SNX27: variants seen among roughly 807,000 people sequenced by gnomAD.
The protein encoded by SNX27 is sorting nexin 27, also known as sorting nexin-27.
A neutral mutation model predicts 71.6 loss-of-function variants in SNX27; 22 were observed. The observed-to-expected ratio is 0.31, with a 90% CI of 0.22 to 0.44. SNX27 has a LOEUF of 0.44. Ranked by LOEUF, SNX27 falls within the 20% of genes least tolerant of loss-of-function variation. SNX27 has a pLI of 1.00. For synonymous variants in SNX27, 269 were observed against 277.2 expected, an observed-to-expected ratio of 0.97 and a Z score of 0.29; for missense variants, 531 against 698.6, an observed-to-expected ratio of 0.76 and a Z score of 2.70.
chr1:151,675,571 GA>G (rs1419946597), intron 7 of SNX27, among the ~76,000 whole-genome samples: 1 of 150,466 alleles, frequency 6.6e-6, no homozygotes, highest in African/African-American at 2.4e-5. Context: ...GTTTTGTTTT[GA>G]GATGGGTTTT....
chr1:151,652,061 C>T (rs988777260), intron 2 of SNX27, among the ~76,000 whole-genome samples: 8 of 152,042 alleles, frequency 5.3e-5, no homozygotes, highest in Admixed American at 4.6e-4. Flanking sequence ...TGTGGCGGCG[C>T]GAGCCTGCAA....
At chr1:151,620,241 A>AT (rs1439336611) in intron 1 of SNX27, among the ~76,000 whole-genome samples, 1 of 152,134 alleles carries the variant, frequency 6.6e-6, no homozygotes, top group Non-Finnish European at 1.5e-5. Context: ...AGAAGTTTGG[A>AT]TTTTTTTCTC....
In SNX27 at chr1:151,668,491, T is replaced by C. The variant is rs1670312853; in HGVS notation, c.1005T>C (p.Asn335=). ...SHSFVRKLAP[N]EFPHKLYIQN... ...CTTTAGTACGTAAATTGGCACCTAA[T>C]GAGTTTCCTCACAAACTCTACATTC... is the stretch of plus-strand genomic sequence containing the variant. The change falls in exon 7 of 12, where the codon AAT becomes AAC. Residue 335 remains asparagine (N), a synonymous_variant. Transcript: ENST00000458013. 6.2e-7 allele frequency: 1 copy of C among 1,612,512 alleles called. No individual in the cohort carries two copies. Among genetic ancestry groups the C allele is most frequent in the Non-Finnish European group, 8.5e-7 (1 of 1,179,476 alleles).
rs761698521 is a variant in SNX27, at chr1:151,662,219, A to G, written c.855A>G (p.Thr285=). 1 of 1,613,794 alleles carries G rather than the reference A, an allele frequency of 6.2e-7. No individual in the cohort carries two copies. Among genetic ancestry groups the G allele is most frequent in the South Asian group, 1.1e-5 (1 of 91,076 alleles). The change falls in exon 5 of 12, where the codon ACA becomes ACG. Residue 285 remains threonine (T), a synonymous_variant. Transcript: ENST00000458013. ...TGAGAGTAGCATTACCAGATGGAAC[A>G]ACGGTTACAGTCAGGGTTAAAAAGA... ...VELRVALPDG[T]TVTVRVKKNS...
At chr1:151,653,252 G>GTTTA (rs1251115126) in intron 2 of SNX27, among the ~76,000 whole-genome samples, 1 of 150,582 alleles carries the variant, frequency 6.6e-6, no homozygotes, top group East Asian at 1.9e-4. Context: ...TTGTTTGTTT[G>GTTTA]TTTGTTTTCC....
In SNX27 at chr1:151,697,017, A is replaced by G. The variant is rs577442838; in HGVS notation, c.*2600A>G. 1 of 152,286 alleles carries G rather than the reference A, an allele frequency of 6.6e-6. No homozygotes were observed. Among genetic ancestry groups the G allele is most frequent in the South Asian group, 2.1e-4 (1 of 4,828 alleles). The allele number at this position is 152,286 out of a possible 1,614,324, so 9.4% of individuals were successfully genotyped here. A position where few individuals can be genotyped will look rare whatever the true frequency, so the allele number is the denominator to read the frequency against. On this transcript the variant is annotated 3_prime_UTR_variant, in exon 12 of 12. Transcript: ENST00000458013. ...ATTTGCCCCTGCATGGTATGGGATCAAAGAGGACAGCCTTTCCTCCCTCAC... is the reference window on the plus strand; with the variant it reads ...ATTTGCCCCTGCATGGTATGGGATCGAAGAGGACAGCCTTTCCTCCCTCAC...
chr1:151,617,312 C>G (rs187560965), intron 1 of SNX27, among the ~76,000 whole-genome samples: 1 of 152,090 alleles, frequency 6.6e-6, no homozygotes, highest in Non-Finnish European at 1.5e-5. Context: ...GCGTTTCACT[C>G]TTGTTGCCCA....
At chr1:151,616,937 A>G (rs1667448543) in intron 1 of SNX27, among the ~76,000 whole-genome samples, 1 of 152,132 alleles carries the variant, frequency 6.6e-6, no homozygotes, top group Non-Finnish European at 1.5e-5. Flanking sequence ...GGGTAATGCA[A>G]CCCACATACT....
intron 4 of SNX27, chr1:151,661,248 T>C (rs1669955936): frequency 5.4e-6 from 1 of 185,362 alleles, no homozygotes; most frequent in African/African-American, 2.4e-5. Context: ...GAGCTAAATC[T>C]TGACCATCTT....
intron 2 of SNX27, 56 bp from the exon 3 acceptor site, chr1:151,658,179 T>G: frequency 1.3e-6 from 2 of 1,493,342 alleles, no homozygotes; most frequent in Non-Finnish European, 1.8e-6. Flanking sequence ...GACTAGATGA[T>G]TTTGTGATTT....
At chr1:151,621,407 C>G (rs1667669740) in intron 1 of SNX27, among the ~76,000 whole-genome samples, 1 of 152,224 alleles carries the variant, frequency 6.6e-6, no homozygotes, top group African/African-American at 2.4e-5. Context: ...TGAACTTCCA[C>G]TGATACGAAA....
intron 1 of SNX27, among the ~76,000 whole-genome samples, chr1:151,626,618 C>T (rs1049145887): frequency 3.9e-5 from 6 of 152,096 alleles, no homozygotes; most frequent in Non-Finnish European, 8.8e-5. Context: ...AGGAGAATCA[C>T]TTGAACTTGG....
chr1:151,632,315 G>A (rs557440627), intron 1 of SNX27, among the ~76,000 whole-genome samples: 2 of 151,230 alleles, frequency 1.3e-5, no homozygotes, highest in East Asian at 1.9e-4. Flanking sequence ...GCGCCACCAC[G>A]CCCGGCTAAT....
At position 151,667,686 on chromosome 1, in the gene SNX27, GC is replaced by G. The variant is rs1670264364; in HGVS notation, c.986-785del. Reference sequence around the variant, plus strand: ...TAAAAAAATACAAAAAATTAGCCGGGCGTAGTGGCGGGCGCCTGTAGTCCCA... The same window carrying G: ...TAAAAAAATACAAAAAATTAGCCGGGGTAGTGGCGGGCGCCTGTAGTCCCA... On this transcript the variant is annotated intron_variant, in intron 6 of 11. Transcript: ENST00000458013. Among the ~76,000 whole-genome samples the G allele has an allele frequency of 2.6e-5, 4 of 151,832 alleles. No homozygotes were observed. In the South Asian group the frequency reaches 8.3e-4, roughly 32 times the overall value.
chr1:151,645,635 G>A (rs942639102), intron 2 of SNX27, among the ~76,000 whole-genome samples: 3 of 152,162 alleles, frequency 2.0e-5, no homozygotes, highest in African/African-American at 7.2e-5. Flanking sequence ...ACCTTCTCTG[G>A]TTTTCTCTTG....
At chr1:151,671,866 T>C (rs2102701112) in intron 7 of SNX27, among the ~76,000 whole-genome samples, 1 of 152,352 alleles carries the variant, frequency 6.6e-6, no homozygotes, top group African/African-American at 2.4e-5. Flanking sequence ...TCCTGCAACT[T>C]TACTGAATTT....
At chr1:151,683,889 A>G (rs1671076724) in intron 8 of SNX27, among the ~76,000 whole-genome samples, 1 of 152,004 alleles carries the variant, frequency 6.6e-6, no homozygotes, top group South Asian at 2.1e-4. Flanking sequence ...CTGGTCTCGA[A>G]CTCTTGACCT....
At chr1:151,634,982 G>T (rs1185801921) in intron 1 of SNX27, among the ~76,000 whole-genome samples, 1 of 152,182 alleles carries the variant, frequency 6.6e-6, no homozygotes, top group Admixed American at 6.5e-5. Flanking sequence ...GAGAATTGGT[G>T]CTTCACTGAT....
intron 1 of SNX27, among the ~76,000 whole-genome samples, chr1:151,638,132 G>A (rs1668554525): frequency 1.3e-5 from 2 of 152,188 alleles, no homozygotes; most frequent in African/African-American, 4.8e-5. Context: ...AGCAAAACAG[G>A]AAGGAAAATT....
Sources: gnomAD v4.1 joint callset for allele counts (sites outside exome capture counted in the v4.1 genomes callset) on GRCh38, gnomAD v4.1.1 for gene constraint, MANE v1.5 for transcripts, NCBI Gene and HGNC (gene_info 2026-07-23, HGNC 2026-07-21) for gene names.